DPM1: variants seen among roughly 807,000 people sequenced by gnomAD.
DPM1 encodes the protein dolichol-phosphate mannosyltransferase subunit 1.
In DPM1, 27 loss-of-function variants were observed where a neutral mutation model predicts 39.0. The observed-to-expected ratio is 0.69, with a 90% CI of 0.51 to 0.95. The LOEUF (loss-of-function observed/expected upper bound fraction) is 0.95, where lower values mean the gene tolerates loss of function less well. Ranked by LOEUF, DPM1 falls within the 40% of genes least tolerant of loss-of-function variation. The pLI, the probability that DPM1 is intolerant of heterozygous loss-of-function variation, is 0.00. For missense variants in DPM1, 307 were observed against 315.6 expected (o/e 0.97, Z 0.21); for synonymous variants, 124 against 109.0 (o/e 1.14, Z -0.86).
chr20:50,935,243 T>TAA lies in DPM1; in HGVS notation c.679-9_679-8dup, dbSNP rs11483542. On this transcript the variant is annotated splice_polypyrimidine_tract_variant and splice_region_variant and intron_variant, in intron 8 of 8. Coordinates refer to ENST00000371588, the MANE Select transcript of DPM1 (RefSeq NM_003859.3). ...CCACAAATGATATTGGAACCTAGTT[T>TAA]AAAAAAAAAAAAGTAACGTTAGTCT... 5,646 of 1,369,128 alleles carry TAA rather than the reference T, an allele frequency of 4.1e-3. No homozygotes were observed. The highest frequency in any genetic ancestry group is 4.5e-3 in the Non-Finnish European group (4,450 of 982,652). The allele number at this position is 1,369,128 out of a possible 1,614,324, so 84.8% of individuals were successfully genotyped here.
chr20:50,952,081 C>T (rs1015127443), intron 2 of DPM1, among the ~76,000 whole-genome samples: 8 of 152,114 alleles, frequency 5.3e-5, no homozygotes, highest in Admixed American at 1.3e-4. Context: ...TGAATCCTGG[C>T]CACTACTCAT....
intron 5 of DPM1, among the ~76,000 whole-genome samples, chr20:50,943,421 G>A (rs1231371889): frequency 2.2e-5 from 3 of 137,176 alleles, no homozygotes; most frequent in African/African-American, 5.3e-5. Context: ...GTGCAATGGC[G>A]CCATCTCGGC....
chr20:50,945,754 A>G lies in DPM1; in HGVS notation c.381T>C (p.Phe127=). The G allele has an allele frequency of 6.3e-7, 1 of 1,587,232 alleles. No homozygotes were observed. The highest frequency in any genetic ancestry group is 1.3e-5 in the African/African-American group (1 of 74,402). ...GTACCTACCTAATAAATTCAGGAAT[A>G]AATTTTGGCTGAAATTTGAAAAGAA... ...MDADLSHHPK[F]IPEFIRKQKE... is the part of the protein sequence containing the mutation. The change falls in exon 5 of 9, where the codon TTT becomes TTC. Residue 127 remains phenylalanine (F), a synonymous_variant. Transcript: ENST00000371588.
intron 8 of DPM1, 108 bp from the exon 9 acceptor site, chr20:50,935,344 G>C: frequency 8.2e-6 from 6 of 728,058 alleles, no homozygotes; most frequent in Non-Finnish European, 1.2e-5. Flanking sequence ...CTACAACAGA[G>C]GTCCTTAAAG....
At chr20:50,945,965 T>G in intron 3 of DPM1, 42 bp from the exon 4 acceptor site, 1 of 1,521,684 alleles carries the variant, frequency 6.6e-7, no homozygotes, top group Non-Finnish European at 9.1e-7. Flanking sequence ...TCAACAGAAA[T>G]CTTTACATAT....
At chr20:50,937,026 G>A (rs1317414256) in intron 7 of DPM1, among the ~76,000 whole-genome samples, 1 of 150,864 alleles carries the variant, frequency 6.6e-6, no homozygotes, top group Non-Finnish European at 1.5e-5. Flanking sequence ...AGGGAGCTCC[G>A]TATTTTCAGA....
intron 6 of DPM1, 31 bp downstream of exon 6, chr20:50,942,000 C>T (rs1985872038): frequency 5.2e-6 from 8 of 1,541,224 alleles, no homozygotes; most frequent in African/African-American, 2.7e-5. Context: ...AGTAGTTATA[C>T]TAATAAAGAA....
intron 3 of DPM1, among the ~76,000 whole-genome samples, chr20:50,946,700 G>C (rs1986304978): frequency 6.6e-6 from 1 of 152,214 alleles, no homozygotes; most frequent in Admixed American, 6.5e-5. Context: ...AGGACTTGGG[G>C]ATTCCTGCAT....
intron 5 of DPM1, chr20:50,945,284 T>TTG (rs11474633): frequency 0.071 from 11,068 of 156,856 alleles, 403 homozygotes; most frequent in Admixed American, 0.12. Flanking sequence ...CAAATGTGTG[T>TTG]TGTGTGTGTG....
In DPM1 at chr20:50,958,483, C is replaced by G. The variant is rs758177002; in HGVS notation, c.41G>C (p.Arg14Pro). The G allele has an allele frequency of 3.1e-6, 5 of 1,613,956 alleles. No homozygotes were observed. Among genetic ancestry groups the G allele is most frequent in the Non-Finnish European group, 4.2e-6 (5 of 1,180,016 alleles). The change falls in exon 1 of 9, where the codon CGG (arginine) becomes CCG (proline). Residue 14 changes from arginine (R) to proline (P), a missense_variant. Arg to Pro is a moderately radical substitution (Grantham distance 103). Around this residue, in one of 3 missense-constraint regions of DPM1, gnomAD observed 206 missense variants for 188.2 expected, o/e 1.09. Coordinates refer to ENST00000371588, the MANE Select transcript of DPM1 (RefSeq NM_003859.3). ...TGGACTGCGCACTTCCAGCTCCCGC[C>G]GAGACCTGCGAGGACTACGACTGAC... is the stretch of plus-strand genomic sequence containing the variant. Reference protein sequence around the residue: ...LEVSRSPRRSRRELEVRSPRQ... With the variant: ...LEVSRSPRRSPRELEVRSPRQ...
intron 1 of DPM1, among the ~76,000 whole-genome samples, chr20:50,955,575 A>T (rs973106615): frequency 2.0e-5 from 3 of 152,118 alleles, no homozygotes; most frequent in Middle Eastern, 3.4e-3. Flanking sequence ...TATCATATGA[A>T]TTTTTTTTGT....
chr20:50,940,425 G>A (rs2123084230), intron 7 of DPM1, among the ~76,000 whole-genome samples: 1 of 152,242 alleles, frequency 6.6e-6, no homozygotes, highest in South Asian at 2.1e-4. Flanking sequence ...AGGGACCGAA[G>A]CTTTGTCCAA....
At chr20:50,946,563 G>A (rs7274624) in intron 3 of DPM1, among the ~76,000 whole-genome samples, 13,463 of 152,140 alleles carry the variant, frequency 0.088, 745 homozygotes, top group African/African-American at 0.16. Flanking sequence ...CTTTTACACC[G>A]TAAACCTGGT....
chr20:50,937,831 TTATTA>T (rs1985343606), intron 7 of DPM1, among the ~76,000 whole-genome samples: 1 of 151,892 alleles, frequency 6.6e-6, no homozygotes, highest in African/African-American at 2.4e-5. Flanking sequence ...ATTATTATTA[TTATTA>T]TTTTTATTTT....
chr20:50,935,562 A>G (rs182168277), intron 8 of DPM1, among the ~76,000 whole-genome samples: 3 of 152,342 alleles, frequency 2.0e-5, no homozygotes, highest in African/African-American at 7.2e-5. Context: ...CCTTGTGCGT[A>G]GATTTTTCAC....
chr20:50,950,785 G>A (rs867473447), intron 2 of DPM1, among the ~76,000 whole-genome samples: 2 of 152,068 alleles, frequency 1.3e-5, no homozygotes, highest in African/African-American at 4.8e-5. Context: ...TAGAAGAATC[G>A]CTTGAACCCG....
chr20:50,938,770 G>A lies in DPM1; in HGVS notation c.563+2095C>T, dbSNP rs564952785. On this transcript the variant is annotated intron_variant, in intron 7 of 8. Coordinates refer to ENST00000371588, the MANE Select transcript of DPM1 (RefSeq NM_003859.3). Reference sequence around the variant, plus strand: ...GGAGGCAGGAGGATCACCTGAGGTCGGGAGTTCAAGACCAGCCTGACCAAC... The same window carrying A: ...GGAGGCAGGAGGATCACCTGAGGTCAGGAGTTCAAGACCAGCCTGACCAAC... Among the ~76,000 whole-genome samples, 53 of 151,190 alleles carry A rather than the reference G, an allele frequency of 3.5e-4. 1 individual carries two copies. The highest frequency in any genetic ancestry group is 1.6e-3 in the Admixed American group (24 of 15,246).
chr20:50,935,122 T>A lies in DPM1; in HGVS notation c.*10A>T. The A allele has an allele frequency of 7.1e-7, 1 of 1,408,836 alleles. No homozygotes were observed. The highest frequency in any genetic ancestry group is 1.0e-6 in the Non-Finnish European group (1 of 994,480). The allele number at this position is 1,408,836 out of a possible 1,614,324, so 87.3% of individuals were successfully genotyped here. The stretch of plus-strand genomic sequence containing the variant: ...TGAAATGAACGTAACTATAAATGAG[T>A]ATCTTTCTTTTATGTAGTAGCAAAA... On this transcript the variant is annotated 3_prime_UTR_variant, in exon 9 of 9. Transcript: ENST00000371588.
chr20:50,940,636 A>G (rs550431369), intron 7 of DPM1, among the ~76,000 whole-genome samples: 2 of 152,346 alleles, frequency 1.3e-5, no homozygotes, highest in South Asian at 4.1e-4. Flanking sequence ...CCTTAATACT[A>G]ATGTTAACAA....
Sources: allele counts gnomAD v4.1 joint callset (sites outside exome capture counted in the v4.1 genomes callset), GRCh38; gene constraint gnomAD v4.1.1; regional missense constraint gnomAD v4.1.1; transcripts MANE v1.5; gene names NCBI Gene and HGNC (gene_info 2026-07-23, HGNC 2026-07-21).